The following CEP128 variants were observed in gnomAD, a reference collection of about 807,000 sequenced individuals.
CEP128 encodes the protein centrosomal protein 128kDa.
CEP128 carries 132 observed loss-of-function variants against 156.7 expected under a neutral mutation model. The observed-to-expected ratio is 0.84, with a 90% CI of 0.73 to 0.97. The LOEUF is 0.97. Among genes scored for constraint, CEP128 ranks in the 50% least tolerant of loss-of-function variants. The pLI, the probability that CEP128 is intolerant of heterozygous loss-of-function variation, is 0.00. For missense variants in CEP128, 1,252 were observed against 1,281.9 expected (o/e 0.98, Z 0.36); for synonymous variants, 469 against 448.9 (o/e 1.04, Z -0.57).
At chr14:80,508,034 C>T (rs551540152) in intron 23 of CEP128, among the ~76,000 whole-genome samples, 2 of 152,314 alleles carry the variant, frequency 1.3e-5, no homozygotes, top group African/African-American at 4.8e-5. Context: ...CCTGCCTCAG[C>T]CCCCGCTAGT....
chr14:80,777,923 T>A lies in CEP128; in HGVS notation c.2335A>T (p.Lys779Ter), dbSNP rs1189435021. ...TCCTTCAAACATTGATATTTTAGCT[T>A]CAGTTTTTTGTTCTCATTTTCATTC... ...TQNENENKKL[K>*]LKYQCLKDQL... is the part of the protein sequence containing the mutation. The change falls in exon 16 of 25, where the codon AAG (lysine) becomes TAG (stop). Residue 779 changes from lysine to a stop codon, truncating the protein, a stop_gained. Transcript: ENST00000555265. LOFTEE classifies it high-confidence loss of function. 6.2e-7 allele frequency: 1 copy of A among 1,611,844 alleles called. No homozygotes were observed. Among genetic ancestry groups the A allele is most frequent in the Non-Finnish European group, 8.5e-7 (1 of 1,178,460 alleles).
At chr14:80,819,715 C>T (rs73344664) in intron 13 of CEP128, among the ~76,000 whole-genome samples, 3,091 of 152,174 alleles carry the variant, frequency 0.02, 39 homozygotes, top group Middle Eastern at 0.065. Flanking sequence ...CCATCCATGC[C>T]GAAAGGGCCT....
At chr14:80,717,885 G>A (rs1438324922) in intron 19 of CEP128, among the ~76,000 whole-genome samples, 1 of 152,066 alleles carries the variant, frequency 6.6e-6, no homozygotes. Flanking sequence ...CACAATCATG[G>A]CTCACTGCAG....
intron 9 of CEP128, among the ~76,000 whole-genome samples, chr14:80,844,845 G>C (rs1886518779): frequency 6.7e-6 from 1 of 149,028 alleles, no homozygotes; most frequent in Admixed American, 6.8e-5. Context: ...TGGTGGAAGA[G>C]ATGGATGCTT....
intron 19 of CEP128, among the ~76,000 whole-genome samples, chr14:80,593,032 C>A (rs994834406): frequency 3.3e-5 from 5 of 152,156 alleles, no homozygotes; most frequent in African/African-American, 1.2e-4. Context: ...GACAAACCCA[C>A]AGACAATATC....
chr14:80,838,226 C>T lies in CEP128; in HGVS notation c.902G>A (p.Ser301Asn). 2 of 1,613,044 alleles carry T rather than the reference C, an allele frequency of 1.2e-6. No individual in the cohort carries two copies. Among genetic ancestry groups the T allele is most frequent in the Non-Finnish European group, 1.7e-6 (2 of 1,179,308 alleles). The stretch of plus-strand genomic sequence containing the variant: ...TACCTGATGCAAAAGTGTTTCTCGG[C>T]TGCCTTCTGATTGATTCAATAACCT... The part of the protein sequence containing the change: ...SRRLLNQSEG[S>N]RETLLHQVEE... Residue 301 changes from serine (S) to asparagine (N), a missense_variant, in exon 11 of 25, where the codon AGC becomes AAC. Coordinates refer to ENST00000555265, the MANE Select transcript of CEP128 (RefSeq NM_152446.5).
At chr14:80,797,552 T>C (rs1883563400) in intron 13 of CEP128, among the ~76,000 whole-genome samples, 1 of 152,178 alleles carries the variant, frequency 6.6e-6, no homozygotes, top group African/African-American at 2.4e-5. Context: ...AGGTCCTTCC[T>C]ATATTCTCCT....
intron 2 of CEP128, among the ~76,000 whole-genome samples, chr14:80,923,369 C>A (rs1884980505): frequency 6.6e-6 from 1 of 152,198 alleles, no homozygotes; most frequent in South Asian, 2.1e-4. Context: ...CCTTTACAAA[C>A]TCAAGTCCAC....
intron 24 of CEP128, among the ~76,000 whole-genome samples, chr14:80,502,243 G>A (rs1316248675): frequency 1.3e-5 from 2 of 152,056 alleles, no homozygotes; most frequent in African/African-American, 2.4e-5. Flanking sequence ...TCAATTTTGG[G>A]GCTTGCTTGT....
intron 9 of CEP128, among the ~76,000 whole-genome samples, chr14:80,856,992 C>T (rs1887212446): frequency 6.6e-6 from 1 of 151,616 alleles, no homozygotes; most frequent in African/African-American, 2.4e-5. Flanking sequence ...GAGTGACCCG[C>T]CCACCTCAGC....
chr14:80,680,655 G>T (rs771287157), intron 19 of CEP128, among the ~76,000 whole-genome samples: 2 of 152,146 alleles, frequency 1.3e-5, no homozygotes, highest in Non-Finnish European at 2.9e-5. Context: ...ATACCCACAT[G>T]TATCTCCAAG....
intron 18 of CEP128, among the ~76,000 whole-genome samples, chr14:80,751,235 T>C (rs750162066): frequency 1.3e-5 from 2 of 152,256 alleles, no homozygotes; most frequent in Non-Finnish European, 2.9e-5. Flanking sequence ...ACGAAGACTT[T>C]ATTCCATTGT....
chr14:80,942,942 T>C (rs913284254), upstream of CEP128, among the ~76,000 whole-genome samples: 2 of 152,332 alleles, frequency 1.3e-5, no homozygotes, highest in East Asian at 1.9e-4. Flanking sequence ...CTATCTCATA[T>C]TGGTTTGAAC....
At chr14:80,774,598 C>G (rs1336190940) in intron 16 of CEP128, among the ~76,000 whole-genome samples, 6 of 151,788 alleles carry the variant, frequency 4.0e-5, no homozygotes, top group Non-Finnish European at 8.8e-5. Flanking sequence ...TATTTCTTTA[C>G]ATATATACAT....
At chr14:80,636,656 T>A (rs1021540029) in intron 19 of CEP128, among the ~76,000 whole-genome samples, 1 of 152,206 alleles carries the variant, frequency 6.6e-6, no homozygotes, top group African/African-American at 2.4e-5. Flanking sequence ...CAAATCAAGA[T>A]GTTTCTCACC....
chr14:80,805,232 G>A (rs567733319), intron 13 of CEP128, among the ~76,000 whole-genome samples: 1 of 152,124 alleles, frequency 6.6e-6, no homozygotes, highest in South Asian at 2.1e-4. Flanking sequence ...TCAATTAGAT[G>A]CAATGTTTAG....
chr14:80,480,500 C>T (rs1471547625), intron 14 of CEP128, among the ~76,000 whole-genome samples: 1 of 152,138 alleles, frequency 6.6e-6, no homozygotes, highest in East Asian at 1.9e-4. Flanking sequence ...CCCTAGGCTG[C>T]ATACAACAAA....
At chr14:80,888,961 T>A (rs569798959) in intron 8 of CEP128, among the ~76,000 whole-genome samples, 37 of 152,134 alleles carry the variant, frequency 2.4e-4, no homozygotes, top group African/African-American at 7.5e-4. Flanking sequence ...TGGGCAAAAA[T>A]CACAAGCATT....
intron 8 of CEP128, among the ~76,000 whole-genome samples, chr14:80,871,576 G>C (rs1352135790): frequency 1.3e-5 from 2 of 151,934 alleles, no homozygotes; most frequent in African/African-American, 2.4e-5. Context: ...TTAACCTAAA[G>C]ACATATATTT....
Sources: gnomAD v4.1 joint callset for allele counts (sites outside exome capture counted in the v4.1 genomes callset) on GRCh38, gnomAD v4.1.1 for gene constraint, MANE v1.5 for transcripts, NCBI Gene and HGNC (gene_info 2026-07-23, HGNC 2026-07-21) for gene names.